SEMA6D: variants seen among roughly 807,000 people sequenced by gnomAD.
The protein encoded by SEMA6D is semaphorin-6D.
In SEMA6D, 35 loss-of-function variants were observed where a neutral mutation model predicts 106.6. The ratio of observed to expected loss-of-function variants is 0.33; its 90% CI spans 0.25 to 0.44. The LOEUF (loss-of-function observed/expected upper bound fraction) is 0.44. Ranked by LOEUF, SEMA6D falls within the 20% of genes least tolerant of loss-of-function variation. SEMA6D has a pLI of 1.00. For synonymous variants in SEMA6D, 499 were observed against 487.7 expected (o/e 1.02, Z -0.31); for missense variants, 1,185 against 1,345.9 (o/e 0.88, Z 1.87).
intron 3 of SEMA6D, among the ~76,000 whole-genome samples, chr15:47,566,921 T>C (rs1212996257): frequency 6.6e-6 from 1 of 152,124 alleles, no homozygotes; most frequent in Non-Finnish European, 1.5e-5. Flanking sequence ...AACAAGAGGG[T>C]GTTACAGAGA....
At chr15:47,382,378 C>T (rs1051293940) in intron 1 of SEMA6D, among the ~76,000 whole-genome samples, 10 of 152,060 alleles carry the variant, frequency 6.6e-5, no homozygotes, top group East Asian at 1.9e-4. Context: ...GGCATGGTGG[C>T]GGGGGCCTGT....
intron 3 of SEMA6D, among the ~76,000 whole-genome samples, chr15:47,555,908 C>T (rs193104379): frequency 3.3e-5 from 5 of 152,140 alleles, no homozygotes; most frequent in East Asian, 1.9e-4. Context: ...CTATCAGGCA[C>T]GCATAAAACA....
At chr15:47,421,244 C>T (rs922434300) in intron 2 of SEMA6D, among the ~76,000 whole-genome samples, 4 of 152,078 alleles carry the variant, frequency 2.6e-5, no homozygotes, top group African/African-American at 9.7e-5. Context: ...GTTCTCACCA[C>T]CTGCAGTTTC....
intron 3 of SEMA6D, among the ~76,000 whole-genome samples, chr15:47,515,029 A>G (rs189509995): frequency 6.6e-6 from 1 of 152,250 alleles, no homozygotes; most frequent in East Asian, 1.9e-4. Context: ...TCCTACCCCC[A>G]TTCTTTCCCT....
intron 4 of SEMA6D, among the ~76,000 whole-genome samples, chr15:47,624,581 T>C (rs1221865932): frequency 1.3e-5 from 2 of 152,232 alleles, no homozygotes; most frequent in Non-Finnish European, 2.9e-5. Flanking sequence ...AAATGTAATA[T>C]GGCAAATGCC....
intron 1 of SEMA6D, among the ~76,000 whole-genome samples, chr15:47,747,328 G>T (rs1379058760): frequency 6.6e-6 from 1 of 152,132 alleles, no homozygotes; most frequent in Non-Finnish European, 1.5e-5. Flanking sequence ...GTCCAGGTTT[G>T]CTTAGAATTG....
intron 2 of SEMA6D, among the ~76,000 whole-genome samples, chr15:47,469,816 A>G (rs759981333): frequency 2.8e-4 from 43 of 152,296 alleles, no homozygotes; most frequent in Non-Finnish European, 2.9e-4. Flanking sequence ...ATGTTGATAT[A>G]TTAAAAGTGT....
intron 2 of SEMA6D, among the ~76,000 whole-genome samples, chr15:47,425,176 T>C (rs1218830929): frequency 6.6e-6 from 1 of 152,068 alleles, no homozygotes; most frequent in Non-Finnish European, 1.5e-5. Flanking sequence ...TTTTCTCTTC[T>C]CTGGTGGGTA....
intron 1 of SEMA6D, among the ~76,000 whole-genome samples, chr15:47,200,296 A>G (rs897697723): frequency 2.0e-5 from 3 of 152,176 alleles, no homozygotes; most frequent in African/African-American, 4.8e-5. Context: ...AAGACCAACT[A>G]TATTTGTGAA....
chr15:47,376,486 G>A (rs2145518130), intron 1 of SEMA6D, among the ~76,000 whole-genome samples: 1 of 152,342 alleles, frequency 6.6e-6, no homozygotes, highest in East Asian at 1.9e-4. Flanking sequence ...CGGTGGTTAT[G>A]TGAATGGTTG....
chr15:47,640,791 A>G (rs2077474891), intron 4 of SEMA6D, among the ~76,000 whole-genome samples: 2 of 152,264 alleles, frequency 1.3e-5, no homozygotes, highest in East Asian at 1.9e-4. Context: ...GTGTGCACCC[A>G]AAGGAATATG....
At chr15:47,268,103 G>A (rs936351176) in intron 1 of SEMA6D, among the ~76,000 whole-genome samples, 26 of 152,044 alleles carry the variant, frequency 1.7e-4, no homozygotes, top group African/African-American at 6.0e-4. Flanking sequence ...GTTTAACGAG[G>A]TCCCCAGGTG....
chr15:47,695,172 T>C (rs1356514109), intron 4 of SEMA6D, among the ~76,000 whole-genome samples: 1 of 152,210 alleles, frequency 6.6e-6, no homozygotes, highest in Non-Finnish European at 1.5e-5. Context: ...AAATCAAGAT[T>C]CTGTGGACTC....
chr15:47,386,636 AT>A (rs1195552607), intron 1 of SEMA6D, among the ~76,000 whole-genome samples: 1 of 152,102 alleles, frequency 6.6e-6, no homozygotes, highest in Non-Finnish European at 1.5e-5. Flanking sequence ...CTGTCTTAGT[AT>A]TTTTACCTGC....
intron 1 of SEMA6D, among the ~76,000 whole-genome samples, chr15:47,251,924 T>TAA (rs1336285967): frequency 7.3e-5 from 10 of 137,462 alleles, no homozygotes; most frequent in Non-Finnish European, 1.1e-4. Context: ...TTTTTTTTTT[T>TAA]TTTTTTTTTG....
At chr15:47,547,774 G>A (rs1430999587) in intron 3 of SEMA6D, among the ~76,000 whole-genome samples, 6 of 152,130 alleles carry the variant, frequency 3.9e-5, no homozygotes, top group African/African-American at 1.2e-4. Context: ...TTATAAAAAT[G>A]TATGTCTAAA....
intron 4 of SEMA6D, among the ~76,000 whole-genome samples, chr15:47,711,138 T>A (rs2079010739): frequency 6.6e-6 from 1 of 150,846 alleles, no homozygotes; most frequent in African/African-American, 2.4e-5. Context: ...TGAAACCCCG[T>A]CTCTACTAAA....
upstream of SEMA6D, among the ~76,000 whole-genome samples, chr15:47,713,118 T>C (rs2079050791): frequency 6.6e-6 from 1 of 152,208 alleles, no homozygotes; most frequent in Non-Finnish European, 1.5e-5. Flanking sequence ...GGGCACTCAG[T>C]GTCCTTCCAC....
At chr15:47,360,797 T>C (rs2038776550) in intron 1 of SEMA6D, among the ~76,000 whole-genome samples, 1 of 152,204 alleles carries the variant, frequency 6.6e-6, no homozygotes, top group Non-Finnish European at 1.5e-5. Context: ...AAAATGAATA[T>C]GAAAGAAAGT....
Sources: allele counts gnomAD v4.1 joint callset (sites outside exome capture counted in the v4.1 genomes callset), GRCh38; gene constraint gnomAD v4.1.1; transcripts MANE v1.5; gene names NCBI Gene and HGNC (gene_info 2026-07-23, HGNC 2026-07-21).